SYT9: variants seen among roughly 807,000 people sequenced by gnomAD.
SYT9 encodes synaptotagmin-9.
Under a neutral mutation model 48.4 loss-of-function variants are expected in SYT9, and 22 were observed. The ratio of observed to expected loss-of-function variants is 0.45; its 90% confidence interval spans 0.32 to 0.65. The LOEUF (loss-of-function observed/expected upper bound fraction) is 0.65, where lower values mean the gene tolerates loss of function less well. Among genes scored for constraint, SYT9 ranks in the 30% least tolerant of loss-of-function variants. The pLI, the probability that SYT9 is intolerant of heterozygous loss-of-function variation, is 0.03. For synonymous variants in SYT9, 265 were observed against 245.0 expected (o/e 1.08, Z -0.76); for missense variants, 577 against 622.0 (o/e 0.93, Z 0.77).
chr11:7,398,680 T>A (rs1052818341), intron 3 of SYT9, among the ~76,000 whole-genome samples: 1 of 152,184 alleles, frequency 6.6e-6, no homozygotes, highest in African/African-American at 2.4e-5. Flanking sequence ...ATCAGTATAT[T>A]ACTATTCTCG....
At chr11:7,314,096 G>C in intron 3 of SYT9, 155 bp downstream of exon 3, 2 of 838,490 alleles carry the variant, frequency 2.4e-6, no homozygotes, top group Non-Finnish European at 3.8e-6. Context: ...TTCAGAAACA[G>C]GGTTTTAACA....
intron 6 of SYT9, among the ~76,000 whole-genome samples, chr11:7,449,730 G>T (rs539181087): frequency 6.6e-6 from 1 of 152,286 alleles, no homozygotes; most frequent in South Asian, 2.1e-4. Flanking sequence ...AGGTGACCAG[G>T]CTATCCTAGA....
intron 3 of SYT9, among the ~76,000 whole-genome samples, chr11:7,321,322 CT>C (rs5789510): frequency 0.67 from 102,056 of 151,954 alleles, 34,963 homozygotes; most frequent in East Asian, 1. Context: ...TCCCAAAGGC[CT>C]GAGGCCACTC....
At chr11:7,374,425 G>T (rs1411912680) in intron 3 of SYT9, among the ~76,000 whole-genome samples, 1 of 152,092 alleles carries the variant, frequency 6.6e-6, no homozygotes, top group Non-Finnish European at 1.5e-5. Flanking sequence ...AATCCACTGG[G>T]TATATACCCA....
In SYT9 at chr11:7,252,851, C is replaced by T. The variant is rs1406226101; in HGVS notation, c.145+520C>T. On this transcript the variant is annotated intron_variant, in intron 1 of 6. Transcript: ENST00000318881. The surrounding 1 kb of genome is among the most constrained non-coding windows in gnomAD (Gnocchi z 6.3). ...TGGGGTGAGAAGGGCGGGACGCGAT[C>T]CGGCGTTGGGCCGGGGACAGGGTGC... Among the ~76,000 whole-genome samples the T allele has an allele frequency of 1.3e-5, 2 of 152,216 alleles. No homozygotes were observed. The highest frequency in any genetic ancestry group is 2.4e-5 in the African/African-American group (1 of 41,468).
intron 1 of SYT9, among the ~76,000 whole-genome samples, chr11:7,260,536 A>T (rs1362785432): frequency 1.3e-5 from 2 of 152,218 alleles, no homozygotes; most frequent in African/African-American, 4.8e-5. Context: ...ACTGAGGACT[A>T]ACTGGAGCAC....
chr11:7,342,137 G>A (rs746091471), intron 3 of SYT9, among the ~76,000 whole-genome samples: 25 of 152,232 alleles, frequency 1.6e-4, no homozygotes, highest in Admixed American at 1.3e-4. Flanking sequence ...TTTGAGAGGG[G>A]ACACAGAGCC....
chr11:7,357,482 A>G (rs1352837730), intron 3 of SYT9, among the ~76,000 whole-genome samples: 1 of 152,184 alleles, frequency 6.6e-6, no homozygotes, highest in Non-Finnish European at 1.5e-5. Context: ...GGTAATGCAG[A>G]TGAACCGATA....
At chr11:7,351,795 A>C (rs1303289306) in intron 3 of SYT9, among the ~76,000 whole-genome samples, 1 of 152,240 alleles carries the variant, frequency 6.6e-6, no homozygotes, top group African/African-American at 2.4e-5. Context: ...TCTATTTTAC[A>C]GACATCACCA....
At chr11:7,279,185 A>C (rs1031733424) in intron 1 of SYT9, among the ~76,000 whole-genome samples, 5 of 152,154 alleles carry the variant, frequency 3.3e-5, no homozygotes, top group African/African-American at 1.2e-4. Flanking sequence ...ATCTCTGGCA[A>C]AGTCCTAAGC....
chr11:7,458,012 G>A (rs1393230539), intron 6 of SYT9: 1 of 152,158 alleles, frequency 6.6e-6, no homozygotes, highest in Non-Finnish European at 1.5e-5. Context: ...CTTTGCATAA[G>A]GAAATGGGAG....
At chr11:7,466,720 CAAAAAAA>C (rs369543339) in intron 6 of SYT9, 65 bp from the exon 7 acceptor site, 1 of 1,259,078 alleles carries the variant, frequency 7.9e-7, no homozygotes, top group Middle Eastern at 2.1e-4. Flanking sequence ...GACTCTGTCT[CAAAAAAA>C]AAAAAAAAAG....
chr11:7,415,901 C>T (rs533751078), intron 3 of SYT9, 141 bp from the exon 4 acceptor site: 2 of 1,032,444 alleles, frequency 1.9e-6, no homozygotes, highest in Non-Finnish European at 2.9e-6. Flanking sequence ...CTGTGACTGA[C>T]ATGAACGGAA....
chr11:7,461,304 G>GATTCT (rs1475071534), intron 6 of SYT9: 1 of 152,038 alleles, frequency 6.6e-6, no homozygotes, highest in Non-Finnish European at 1.5e-5. Context: ...CTTCATCCTT[G>GATTCT]ATTCTATAGT....
intron 6 of SYT9, 25 bp from the exon 7 acceptor site, chr11:7,466,767 A>G: frequency 6.2e-7 from 1 of 1,605,704 alleles, no homozygotes. Flanking sequence ...AAGCCAAATT[A>G]TTTTTTTGTT....
intron 2 of SYT9, among the ~76,000 whole-genome samples, chr11:7,307,084 GTCTCACAT>G (rs1849046835): frequency 6.6e-6 from 1 of 152,166 alleles, no homozygotes; most frequent in Non-Finnish European, 1.5e-5. Flanking sequence ...TTTGTCCCAG[GTCTCACAT>G]TCATTAAGAG....
intron 1 of SYT9, among the ~76,000 whole-genome samples, chr11:7,284,415 A>G (rs1848559450): frequency 6.6e-6 from 1 of 152,280 alleles, no homozygotes; most frequent in Non-Finnish European, 1.5e-5. Context: ...GAAACATGGT[A>G]TGTAAATGTT....
chr11:7,337,141 C>T lies in SYT9; in HGVS notation c.1044+23200C>T, dbSNP rs149851887. Among the ~76,000 whole-genome samples the T allele has an allele frequency of 2.7e-3, 410 of 152,136 alleles. 4 individuals carry two copies. The highest frequency in any genetic ancestry group is 2.3e-3 in the Non-Finnish European group (158 of 67,982). On this transcript the variant is annotated intron_variant, in intron 3 of 6. Transcript: ENST00000318881. ...GGGATTGCATTCCTGATTTGGCTCT[C>T]GGCTTGGCTGTTGCTGGTGTGTAGG...
intron 1 of SYT9, among the ~76,000 whole-genome samples, chr11:7,257,980 CA>C (rs1848006679): frequency 6.6e-6 from 1 of 152,142 alleles, no homozygotes; most frequent in Non-Finnish European, 1.5e-5. Context: ...ATCAAAAGCA[CA>C]AACTTTTTGA....
Sources: gnomAD v4.1 joint callset for allele counts (sites outside exome capture counted in the v4.1 genomes callset) on GRCh38, gnomAD v4.1.1 for gene constraint, Gnocchi (gnomAD v3.1) non-coding constraint, MANE v1.5 for transcripts, NCBI Gene and HGNC (gene_info 2026-07-23, HGNC 2026-07-21) for gene names.